The following PLCB1 variants were observed in gnomAD, a reference collection of about 807,000 sequenced individuals.
PLCB1 encodes phospholipase C beta 1, also known as 1-phosphatidylinositol 4,5-bisphosphate phosphodiesterase beta-1.
Under a neutral mutation model 161.8 loss-of-function variants are expected in PLCB1, and 46 were observed. The observed-to-expected ratio is 0.28, with a 90% CI of 0.22 to 0.36. The LOEUF (loss-of-function observed/expected upper bound fraction) is 0.36. Ranked by LOEUF, PLCB1 falls within the 10% of genes least tolerant of loss-of-function variation. The probability of loss-of-function intolerance (pLI) is 1.00; values close to 1 mark genes in which losing one functional copy is unlikely to be tolerated. For missense variants in PLCB1, 1,016 were observed against 1,472.5 expected (o/e 0.69, Z 5.07); for synonymous variants, 517 against 503.7 (o/e 1.03, Z -0.35).
chr20:8,635,805 G>T (rs568791655), intron 4 of PLCB1, among the ~76,000 whole-genome samples: 5 of 152,160 alleles, frequency 3.3e-5, no homozygotes, highest in Non-Finnish European at 7.3e-5. Flanking sequence ...GAAGGGTTCT[G>T]CTAAGGCCAC....
intron 12 of PLCB1, chr20:8,715,935 G>GA (rs1979282937): frequency 3.9e-6 from 1 of 256,208 alleles, no homozygotes; most frequent in South Asian, 1.2e-4. Context: ...AATTGACTTG[G>GA]AATCAGCGAG....
At chr20:8,593,352 C>CGT (rs542015201) in intron 3 of PLCB1, among the ~76,000 whole-genome samples, 2,664 of 149,974 alleles carry the variant, frequency 0.018, 41 homozygotes, top group African/African-American at 0.034. Flanking sequence ...TGTGTGTGCG[C>CGT]GTGTGTGTGT....
chr20:8,277,409 A>G (rs1013084666), intron 2 of PLCB1, among the ~76,000 whole-genome samples: 2 of 152,142 alleles, frequency 1.3e-5, no homozygotes, highest in African/African-American at 4.8e-5. Flanking sequence ...AATGTTTCAC[A>G]ACATAAATGC....
At chr20:8,568,321 G>A (rs996628292) in intron 3 of PLCB1, among the ~76,000 whole-genome samples, 2 of 152,096 alleles carry the variant, frequency 1.3e-5, no homozygotes, top group Admixed American at 6.6e-5. Flanking sequence ...GTTACTGCGT[G>A]GGCTTTTCTT....
At chr20:8,621,567 CCTTT>C (rs1988186561) in intron 3 of PLCB1, among the ~76,000 whole-genome samples, 1 of 152,192 alleles carries the variant, frequency 6.6e-6, no homozygotes, top group Non-Finnish European at 1.5e-5. Context: ...CATGAGACCA[CCTTT>C]CTTTCCTATT....
chr20:8,426,416 C>T (rs888533823), intron 3 of PLCB1, among the ~76,000 whole-genome samples: 2 of 152,206 alleles, frequency 1.3e-5, no homozygotes, highest in South Asian at 2.1e-4. Flanking sequence ...TGGATACACA[C>T]GTGCGTGCAC....
intron 2 of PLCB1, among the ~76,000 whole-genome samples, chr20:8,288,157 C>T (rs977767063): frequency 4.6e-5 from 7 of 152,166 alleles, no homozygotes; most frequent in Non-Finnish European, 8.8e-5. Flanking sequence ...TTTAGGTCTG[C>T]CCTTCTCTAT....
intron 3 of PLCB1, among the ~76,000 whole-genome samples, chr20:8,541,133 A>G (rs970911141): frequency 1.3e-5 from 2 of 152,202 alleles, no homozygotes; most frequent in African/African-American, 4.8e-5. Context: ...TAGGTGAAGC[A>G]TAGACTGCTT....
chr20:8,241,545 G>T (rs1470868286), intron 2 of PLCB1, among the ~76,000 whole-genome samples: 1 of 151,916 alleles, frequency 6.6e-6, no homozygotes, highest in Non-Finnish European at 1.5e-5. Context: ...TACAAGAAGT[G>T]CAATGAAATA....
chr20:8,658,544 A>G lies in PLCB1; in HGVS notation c.702A>G (p.Ala234=). 1.9e-6 allele frequency: 3 copies of G among 1,594,648 alleles called. No individual in the cohort carries two copies. The highest frequency in any genetic ancestry group is 2.6e-6 in the Non-Finnish European group (3 of 1,174,062). ...GGTTTTTCATTGTTTTTAGTGGTGC[A>G]AAAAGCAAACCATATCTTACCGTTG... ...EIDNIFSEFG[A]KSKPYLTVDQ... is the part of the protein sequence containing the mutation. The change falls in exon 9 of 32, where the codon GCA becomes GCG. Residue 234 remains alanine (A), a synonymous_variant. Transcript: ENST00000338037.
chr20:8,205,811 T>A (rs924127231), intron 2 of PLCB1, among the ~76,000 whole-genome samples: 2 of 151,900 alleles, frequency 1.3e-5, no homozygotes, highest in African/African-American at 2.4e-5. Context: ...GGAGAAGGGG[T>A]TGGGGTTGGA....
In PLCB1 at chr20:8,818,467, A is replaced by T. The variant is rs938662571; in HGVS notation, c.3423+28206A>T. Among the ~76,000 whole-genome samples, 11 of 152,346 alleles carry T rather than the reference A, an allele frequency of 7.2e-5. No homozygotes were observed. The East Asian group carries it at 1.9e-3, about 27-fold the overall frequency. On this transcript the variant is annotated intron_variant, in intron 31 of 31. Transcript: ENST00000338037. ...TGCAGTAAGACAAGAAGAATAAATA[A>T]AAGATACAATGTTCAGATATTAAAT... is the stretch of plus-strand genomic sequence containing the variant.
At chr20:8,589,034 G>T (rs1313993751) in intron 3 of PLCB1, among the ~76,000 whole-genome samples, 1 of 152,172 alleles carries the variant, frequency 6.6e-6, no homozygotes, top group African/African-American at 2.4e-5. Context: ...TGGTAAGTCA[G>T]CAAGGGGGAG....
rs557747838 is a variant in PLCB1 at position 8,684,114 on chromosome 20, G to C, written c.863-818G>C. Among the ~76,000 whole-genome samples, 13 of 152,132 alleles carry C rather than the reference G, an allele frequency of 8.5e-5. 1 individual carries two copies. The East Asian group carries it at 9.7e-4, about 11-fold the overall frequency. ...TTAGCCAGGATGGTCTCGATCTCCT[G>C]ACCTTGTGATCTGCCCACCTTGGCC... On this transcript the variant is annotated intron_variant, in intron 9 of 31. Coordinates refer to ENST00000338037, the MANE Select transcript of PLCB1 (RefSeq NM_015192.4).
At chr20:8,644,721 GCCCT>G (rs1568543944) in intron 4 of PLCB1, among the ~76,000 whole-genome samples, 1 of 148,480 alleles carries the variant, frequency 6.7e-6, no homozygotes, top group African/African-American at 2.5e-5. Context: ...TCAGCCCCCC[GCCCT>G]GCCAGCCGCC....
At chr20:8,367,342 T>A (rs1308370028) in intron 2 of PLCB1, among the ~76,000 whole-genome samples, 1 of 152,188 alleles carries the variant, frequency 6.6e-6, no homozygotes, top group African/African-American at 2.4e-5. Flanking sequence ...AACGTCAGCA[T>A]CACCTGGAGG....
intron 3 of PLCB1, among the ~76,000 whole-genome samples, chr20:8,394,206 T>C (rs1987694234): frequency 6.6e-6 from 1 of 152,150 alleles, no homozygotes; most frequent in Admixed American, 6.6e-5. Flanking sequence ...TGTCCACTCT[T>C]AACTATTTCT....
intron 3 of PLCB1, among the ~76,000 whole-genome samples, chr20:8,483,999 T>G (rs1390336833): frequency 6.6e-6 from 1 of 152,194 alleles, no homozygotes; most frequent in Non-Finnish European, 1.5e-5. Context: ...TCCCTATTCT[T>G]GGACCCGTTG....
At chr20:8,819,414 G>A (rs976669912) in intron 31 of PLCB1, among the ~76,000 whole-genome samples, 4 of 152,104 alleles carry the variant, frequency 2.6e-5, no homozygotes, top group African/African-American at 9.7e-5. Flanking sequence ...TAAATCTTTA[G>A]AATATTATGT....
Sources: allele counts gnomAD v4.1 joint callset (sites outside exome capture counted in the v4.1 genomes callset), GRCh38; gene constraint gnomAD v4.1.1; transcripts MANE v1.5; gene names NCBI Gene and HGNC (gene_info 2026-07-23, HGNC 2026-07-21).